Variants in WNK1 observed in about 807,000 individuals in gnomAD.
WNK1 encodes serine/threonine-protein kinase WNK1.
WNK1 carries 38 observed loss-of-function variants against 222.8 expected under a neutral mutation model. That is an observed-to-expected ratio of 0.17 (90% CI 0.13 to 0.22). The LOEUF is 0.22. Among genes scored for constraint, WNK1 ranks in the 10% least tolerant of loss-of-function variants. The probability of loss-of-function intolerance (pLI) is 1.00; values close to 1 mark genes in which losing one functional copy is unlikely to be tolerated. For missense variants in WNK1, 2,348 were observed against 2,918.4 expected (o/e 0.80, Z 4.50); for synonymous variants, 1,090 against 1,092.9 (o/e 1.00, Z 0.05).
intron 9 of WNK1, among the ~76,000 whole-genome samples, chr12:873,350 A>C (rs1952325951): frequency 6.6e-6 from 1 of 152,234 alleles, no homozygotes; most frequent in Non-Finnish European, 1.5e-5. Context: ...TCAGATTAAA[A>C]GAATTAGGTA....
At chr12:792,454 C>T (rs1944935821) in intron 1 of WNK1, among the ~76,000 whole-genome samples, 1 of 151,726 alleles carries the variant, frequency 6.6e-6, no homozygotes, top group South Asian at 2.1e-4. Flanking sequence ...GCTGGGACTA[C>T]AGGCACCCGC....
At chr12:865,835 T>A (rs1951620457) in intron 8 of WNK1, among the ~76,000 whole-genome samples, 1 of 152,118 alleles carries the variant, frequency 6.6e-6, no homozygotes, top group South Asian at 2.1e-4. Flanking sequence ...AAGAATAACC[T>A]TGGAGTGAAC....
At chr12:860,939 TGGCGGGGGGTGGTGGTGGGGGGTGTTG>T in intron 6 of WNK1, 47 bp from the exon 7 acceptor site, 3 of 1,152,376 alleles carry the variant, frequency 2.6e-6, no homozygotes, top group Non-Finnish European at 3.5e-6. Flanking sequence ...TTTTTTTTTT[TGGCGGGGGGTGGTGGTGGGGGGTGTTG>T]TTTTCTTTCA....
Position 880,809 on chromosome 12 carries a change from C to T in WNK1, c.2921C>T (p.Thr974Ile). 4 of 1,614,118 alleles carry T rather than the reference C, an allele frequency of 2.5e-6. No individual in the cohort carries two copies. ...SNVASVCIHS[T>I]VLSPPMPTEV... ...GTGGCTTCTGTTTGCATCCATTCTA[C>T]AGTCCTATCCCCTCCCATGCCGACA... The change falls in exon 12 of 28, where the codon ACA becomes ATA. Residue 974 changes from threonine (T) to isoleucine (I), a missense_variant. Thr to Ile is a moderately conservative substitution (Grantham distance 89). Transcript: ENST00000315939.
chr12:793,409 C>T (rs1442445031), intron 1 of WNK1, among the ~76,000 whole-genome samples: 4 of 152,144 alleles, frequency 2.6e-5, no homozygotes, highest in Non-Finnish European at 5.9e-5. Flanking sequence ...AGACTGCCCA[C>T]AAGAGCTAAA....
intron 1 of WNK1, among the ~76,000 whole-genome samples, chr12:807,559 T>G (rs1005666038): frequency 2.0e-5 from 3 of 152,080 alleles, no homozygotes; most frequent in Non-Finnish European, 2.9e-5. Context: ...ATAACTCCAT[T>G]TGAGCTTTTC....
In WNK1 at chr12:908,949, C is replaced by T; in HGVS notation, c.*157C>T. ...TGTTTTTAATACTGCATTGAGCCCTCAGAATGGAGAGTCTCCCCCGCTCCA... is the reference window on the plus strand; with the variant it reads ...TGTTTTTAATACTGCATTGAGCCCTTAGAATGGAGAGTCTCCCCCGCTCCA... On this transcript the variant is annotated 3_prime_UTR_variant, in exon 28 of 28. Coordinates refer to ENST00000315939, the MANE Select transcript of WNK1 (RefSeq NM_018979.4). 1.2e-6 allele frequency: 1 copy of T among 840,158 alleles called. No individual in the cohort carries two copies. Among genetic ancestry groups the T allele is most frequent in the East Asian group, 2.7e-5 (1 of 37,264 alleles). The allele number at this position is 840,158 out of a possible 1,614,324, so 52.0% of individuals were successfully genotyped here.
At chr12:822,372 C>T (rs1314833687) in intron 2 of WNK1, among the ~76,000 whole-genome samples, 1 of 152,094 alleles carries the variant, frequency 6.6e-6, no homozygotes, top group Non-Finnish European at 1.5e-5. Flanking sequence ...GGATTACAGG[C>T]GTAAGCCACC....
At chr12:867,456 G>A (rs1374395628) in intron 8 of WNK1, among the ~76,000 whole-genome samples, 2 of 152,202 alleles carry the variant, frequency 1.3e-5, no homozygotes, top group Non-Finnish European at 2.9e-5. Flanking sequence ...ACTTCTTACA[G>A]TATAGAACTA....
intron 22 of WNK1, among the ~76,000 whole-genome samples, chr12:893,715 C>T (rs569531228): frequency 7.2e-4 from 109 of 151,388 alleles, no homozygotes; most frequent in Non-Finnish European, 1.3e-3. Context: ...CCCAGCTACT[C>T]GAGAGGCTGA....
intron 1 of WNK1, among the ~76,000 whole-genome samples, chr12:801,303 C>T (rs1945842421): frequency 6.6e-6 from 1 of 152,120 alleles, no homozygotes; most frequent in East Asian, 1.9e-4. Flanking sequence ...TTTGGTGTCA[C>T]GTGTATCGCT....
intron 2 of WNK1, among the ~76,000 whole-genome samples, chr12:817,395 T>C (rs1947444978): frequency 6.6e-6 from 1 of 152,102 alleles, no homozygotes; most frequent in South Asian, 2.1e-4. Context: ...AATTTAAGAA[T>C]TCTGATTGAG....
At chr12:838,363 C>T (rs1435662293) in intron 4 of WNK1, among the ~76,000 whole-genome samples, 1 of 152,084 alleles carries the variant, frequency 6.6e-6, no homozygotes, top group Non-Finnish European at 1.5e-5. Flanking sequence ...TTCCCACCAT[C>T]AGTGTAAGAG....
At chr12:860,664 C>T (rs556707177) in intron 6 of WNK1, among the ~76,000 whole-genome samples, 6 of 152,250 alleles carry the variant, frequency 3.9e-5, no homozygotes, top group Admixed American at 2.0e-4. Flanking sequence ...TTAGTGGTTA[C>T]GTGTGAGGGG....
chr12:819,075 A>T (rs1405889290), intron 2 of WNK1, among the ~76,000 whole-genome samples: 1 of 152,190 alleles, frequency 6.6e-6, no homozygotes, highest in African/African-American at 2.4e-5. Flanking sequence ...ATTATGGATT[A>T]CATTTGCATT....
rs778178228 is a variant in WNK1 at position 885,949 on chromosome 12, T to C, written c.5145T>C (p.Asn1715=). The change falls in exon 19 of 28, where the codon AAT becomes AAC. Residue 1715 remains asparagine (N), a synonymous_variant. Coordinates refer to ENST00000315939, the MANE Select transcript of WNK1 (RefSeq NM_018979.4). The part of the protein sequence containing the change: ...STTSTCLPPT[N]LPLGTVALPV... ...CAAGTACTTGCTTACCACCAACCAA[T>C]TTACCACTAGGAACAGTTGCTTTGC... The C allele has an allele frequency of 5.0e-6, 8 of 1,595,468 alleles. No homozygotes were observed. The highest frequency in any genetic ancestry group is 1.3e-5 in the African/African-American group (1 of 74,186).
In WNK1 at chr12:827,952, A is replaced by G. The variant is rs1327930002; in HGVS notation, c.1153+690A>G. On this transcript the variant is annotated intron_variant, in intron 3 of 27. Coordinates refer to ENST00000315939, the MANE Select transcript of WNK1 (RefSeq NM_018979.4). This position sits in a 1 kb window ranked among gnomAD's most constrained non-coding sequence, Gnocchi z 4.6. ...TAGTTTTACTTTCTAAAATTAAAAG[A>G]TAAAAATTAAATTTTTAAACATATA... 6.6e-6 allele frequency among the ~76,000 whole-genome samples: 1 copy of G among 152,188 alleles called. No individual in the cohort carries two copies. The highest frequency in any genetic ancestry group is 2.4e-5 in the African/African-American group (1 of 41,446).
chr12:859,193 C>A, intron 5 of WNK1, 52 bp from the exon 6 acceptor site: 3 of 1,471,318 alleles, frequency 2.0e-6, no homozygotes, highest in Non-Finnish European at 2.8e-6. Flanking sequence ...ATTATTTTTT[C>A]AAACTAATGG....
rs1939390768 is a variant in WNK1, at chr12:752,679, G to C, written c.-887G>C. ...TCTTCGGTGACAGAAGGCGCCTGGT[G>C]GGGGTGGCTGCTCTTTTCTCTCCCT... On this transcript the variant is annotated 5_prime_UTR_variant, in exon 1 of 28. Coordinates refer to ENST00000315939, the MANE Select transcript of WNK1 (RefSeq NM_018979.4). The C allele has an allele frequency of 6.6e-6, 1 of 152,406 alleles. No homozygotes were observed. 9.4% of individuals were successfully genotyped at this position (152,406 alleles called of 1,614,324 possible). A position where few individuals can be genotyped will look rare whatever the true frequency, so the allele number is the denominator to read the frequency against.
Sources: gnomAD v4.1 joint callset for allele counts (sites outside exome capture counted in the v4.1 genomes callset) on GRCh38, gnomAD v4.1.1 for gene constraint, Gnocchi (gnomAD v3.1) non-coding constraint, MANE v1.5 for transcripts, NCBI Gene and HGNC (gene_info 2026-07-23, HGNC 2026-07-21) for gene names.